ATP6V0D1: variants seen among roughly 807,000 people sequenced by gnomAD.
ATP6V0D1 encodes the protein ATPase H+ transporting V0 subunit d1, also known as V-type proton ATPase subunit d 1.
In ATP6V0D1, 13 loss-of-function variants were observed where a neutral mutation model predicts 39.0. The observed-to-expected ratio is 0.33, with a 90% CI of 0.22 to 0.53. The LOEUF is 0.53. Ranked by LOEUF, ATP6V0D1 falls within the 20% of genes least tolerant of loss-of-function variation. ATP6V0D1 has a pLI of 0.94. For synonymous variants in ATP6V0D1, 191 were observed against 191.2 expected, an observed-to-expected ratio of 1.00 and a Z score of 0.01; for missense variants, 272 against 470.9, an observed-to-expected ratio of 0.58 and a Z score of 3.91.
In ATP6V0D1 at chr16:67,481,087, G is replaced by A. The variant is rs753050999; in HGVS notation, c.-1C>T. The A allele has an allele frequency of 6.2e-7, 1 of 1,614,004 alleles. No individual in the cohort carries two copies. The highest frequency in any genetic ancestry group is 1.7e-5 in the Admixed American group (1 of 60,032). The stretch of plus-strand genomic sequence containing the variant: ...AGTAAAGCTCCGGGAAGAACGACAT[G>A]GCTGCTGCGGGAGCGGCGGGACCGG... On this transcript the variant is annotated 5_prime_UTR_variant, in exon 1 of 8. Coordinates refer to ENST00000290949, the MANE Select transcript of ATP6V0D1 (RefSeq NM_004691.5).
At chr16:67,473,184 T>C (rs2041388312) in intron 1 of ATP6V0D1, among the ~76,000 whole-genome samples, 1 of 152,114 alleles carries the variant, frequency 6.6e-6, no homozygotes. Flanking sequence ...CTTCTCCCTA[T>C]GCTCTTCCCA....
At chr16:67,439,588 G>A (rs753274810) in intron 4 of ATP6V0D1, 43 of 576,346 alleles carry the variant, frequency 7.5e-5, no homozygotes, top group Middle Eastern at 9.2e-4. Context: ...GGGCCCACCC[G>A]ACTGTCTGCT....
intron 1 of ATP6V0D1, among the ~76,000 whole-genome samples, chr16:67,464,206 C>T (rs1024081705): frequency 1.6e-4 from 25 of 152,216 alleles, no homozygotes; most frequent in Non-Finnish European, 2.9e-4. Context: ...GAGGAAAAGA[C>T]AAGGGCCCCA....
chr16:67,480,749 C>A (rs2041464502), intron 1 of ATP6V0D1, among the ~76,000 whole-genome samples: 1 of 152,168 alleles, frequency 6.6e-6, no homozygotes, highest in African/African-American at 2.4e-5. Flanking sequence ...CGAACAACTG[C>A]GGTTCTTAAA....
intron 1 of ATP6V0D1, chr16:67,455,289 C>T (rs1407677706): frequency 6.6e-6 from 1 of 152,144 alleles, no homozygotes; most frequent in East Asian, 1.9e-4. Context: ...GCACATAAAC[C>T]CTCTACAAGC....
chr16:67,445,721 GT>G (rs2041107274), intron 2 of ATP6V0D1: 1 of 346,136 alleles, frequency 2.9e-6, no homozygotes, highest in Non-Finnish European at 5.8e-6. Flanking sequence ...CTGGGGAGGG[GT>G]GAGACTGCCC....
rs534782035 is a variant in ATP6V0D1, at chr16:67,447,588, C to T, written c.303-2882G>A. 1.8e-4 allele frequency among the ~76,000 whole-genome samples: 27 copies of T among 152,232 alleles called. No homozygotes were observed. Among genetic ancestry groups the T allele is most frequent in the Admixed American group, 6.5e-5 (1 of 15,284 alleles). ...GCTGGGGAGTGGAGGGCCGGCTGCC[C>T]GCCAGGCCAAAGAGGCCCTTGTGGG... is the stretch of plus-strand genomic sequence containing the variant. On this transcript the variant is annotated intron_variant, in intron 2 of 7. Transcript: ENST00000290949. The surrounding 1 kb of genome is among the most constrained non-coding windows in gnomAD (Gnocchi z 4.1).
At chr16:67,473,563 G>A (rs868801271) in intron 1 of ATP6V0D1, among the ~76,000 whole-genome samples, 6 of 151,716 alleles carry the variant, frequency 4.0e-5, no homozygotes, top group Middle Eastern at 6.8e-3. Context: ...TCGCTCAGTC[G>A]CCCAGGCTGG....
chr16:67,450,203 G>C (rs1377474421), intron 2 of ATP6V0D1, among the ~76,000 whole-genome samples: 1 of 152,146 alleles, frequency 6.6e-6, no homozygotes, highest in Non-Finnish European at 1.5e-5. Flanking sequence ...TCCCAGAGTG[G>C]GCACCCATAT....
In ATP6V0D1 at chr16:67,458,613, CCAA is replaced by C. The variant is rs1044057534; in HGVS notation, c.131-4901_131-4899del. 8.5e-5 allele frequency among the ~76,000 whole-genome samples: 13 copies of C among 152,292 alleles called. No individual in the cohort carries two copies. In the South Asian group the frequency reaches 1.7e-3, roughly 19 times the overall value. ...TACCCCAAATCCTCCCATCCATGGC[CCAA>C]CAACAGGAATGTCTGGCCAGCTTGG... On this transcript the variant is annotated intron_variant, in intron 1 of 7. Coordinates refer to ENST00000290949, the MANE Select transcript of ATP6V0D1 (RefSeq NM_004691.5).
intron 1 of ATP6V0D1, among the ~76,000 whole-genome samples, chr16:67,460,322 C>G (rs911807584): frequency 2.0e-5 from 3 of 152,148 alleles, no homozygotes; most frequent in Non-Finnish European, 4.4e-5. Context: ...AAAGCGAGAG[C>G]TGCCCTGCCC....
At position 67,453,628 on chromosome 16, in the gene ATP6V0D1, C is replaced by A. The variant is rs1444072506; in HGVS notation, c.218G>T (p.Arg73Leu). Reference sequence around the variant, plus strand: ...CTCCACCACCATCTTCTCCTTGAGCCGGTCATCGATGACTGACACCGTCAG... The same window carrying A: ...CTCCACCACCATCTTCTCCTTGAGCAGGTCATCGATGACTGACACCGTCAG... ...SPLTVSVIDD[R>L]LKEKMVVEFR... is the part of the protein sequence containing the mutation. Residue 73 changes from arginine to leucine, a missense_variant, in exon 2 of 8, where the codon CGG becomes CTG. Around this residue, in one of 4 missense-constraint regions of ATP6V0D1, gnomAD observed 81 missense variants for 96.0 expected, o/e 0.84. Coordinates refer to ENST00000290949, the MANE Select transcript of ATP6V0D1 (RefSeq NM_004691.5). This position sits in a 1 kb window ranked among gnomAD's most constrained non-coding sequence, Gnocchi z 4.1. 1 of 1,614,164 alleles carries A rather than the reference C, an allele frequency of 6.2e-7. No homozygotes were observed. Among genetic ancestry groups the A allele is most frequent in the Non-Finnish European group, 8.5e-7 (1 of 1,180,018 alleles).
intron 1 of ATP6V0D1, among the ~76,000 whole-genome samples, chr16:67,470,641 C>CT (rs1291582431): frequency 3.9e-5 from 6 of 152,172 alleles, no homozygotes. Context: ...GTACTGGTGA[C>CT]TTCCAGGTTA....
At chr16:67,454,024 C>T (rs1026479244) in intron 1 of ATP6V0D1, among the ~76,000 whole-genome samples, 2 of 152,210 alleles carry the variant, frequency 1.3e-5, no homozygotes, top group African/African-American at 4.8e-5. Context: ...CAACCCACAG[C>T]CTTTGAAGCC....
chr16:67,444,771 C>A lies in ATP6V0D1; in HGVS notation c.303-65G>T. 6.9e-7 allele frequency: 1 copy of A among 1,449,890 alleles called. No homozygotes were observed. 89.8% of individuals were successfully genotyped at this position (1,449,890 alleles called of 1,614,324 possible). On this transcript the variant is annotated intron_variant, in intron 2 of 7. Transcript: ENST00000290949. The surrounding 1 kb of genome is among the most constrained non-coding windows in gnomAD (Gnocchi z 4.8). Reference sequence around the variant, plus strand: ...GGGGCCGGGAAGTCCTGGCATAGCACCATGCCCTCGCCCGCCTGCACAGGC... The same window carrying A: ...GGGGCCGGGAAGTCCTGGCATAGCAACATGCCCTCGCCCGCCTGCACAGGC...
At chr16:67,472,465 T>A (rs1452846004) in intron 1 of ATP6V0D1, among the ~76,000 whole-genome samples, 1 of 152,238 alleles carries the variant, frequency 6.6e-6, no homozygotes, top group Non-Finnish European at 1.5e-5. Flanking sequence ...CACGTTTGAC[T>A]CAGAGGAATT....
chr16:67,460,667 TC>T (rs1398526221), intron 1 of ATP6V0D1, among the ~76,000 whole-genome samples: 1 of 150,782 alleles, frequency 6.6e-6, no homozygotes, highest in Non-Finnish European at 1.5e-5. Context: ...CTTTCCCCCC[TC>T]CCCCCATGCC....
In ATP6V0D1 at chr16:67,447,095, C is replaced by T. The variant is rs574004581; in HGVS notation, c.303-2389G>A. Among the ~76,000 whole-genome samples, 4 of 152,284 alleles carry T rather than the reference C, an allele frequency of 2.6e-5. No homozygotes were observed. The South Asian group carries it at 8.3e-4, about 32-fold the overall frequency. On this transcript the variant is annotated intron_variant, in intron 2 of 7. Coordinates refer to ENST00000290949, the MANE Select transcript of ATP6V0D1 (RefSeq NM_004691.5). This position sits in a 1 kb window ranked among gnomAD's most constrained non-coding sequence, Gnocchi z 4.1. ...TCTCCTCTTTTTCAACGTCCCCCTC[C>T]TTGCGCCCCCCACTCAGGGCATCTG...
chr16:67,439,158 A>G lies in ATP6V0D1; in HGVS notation c.640-11T>C. The stretch of plus-strand genomic sequence containing the variant: ...GCGGTCTGCTTCAAACTGTGGAGCC[A>G]GTGCACAGGTAAGAAGAGAGGGAGG... On this transcript the variant is annotated splice_polypyrimidine_tract_variant and intron_variant, in intron 5 of 7. Coordinates refer to ENST00000290949, the MANE Select transcript of ATP6V0D1 (RefSeq NM_004691.5). The G allele has an allele frequency of 6.2e-7, 1 of 1,604,498 alleles. No individual in the cohort carries two copies.
Sources: gnomAD v4.1 joint callset for allele counts (sites outside exome capture counted in the v4.1 genomes callset) on GRCh38, gnomAD v4.1.1 for gene constraint, gnomAD v4.1.1 regional missense constraint, Gnocchi (gnomAD v3.1) non-coding constraint, MANE v1.5 for transcripts, NCBI Gene and HGNC (gene_info 2026-07-23, HGNC 2026-07-21) for gene names.